The following CHODL variants were observed in gnomAD, a reference collection of about 807,000 sequenced individuals.
The protein encoded by CHODL is transmembrane protein MT75.
A neutral mutation model predicts 34.5 loss-of-function variants in CHODL; 29 were observed. The ratio of observed to expected loss-of-function variants is 0.84; its 90% CI spans 0.63 to 1.15. The LOEUF (loss-of-function observed/expected upper bound fraction) is 1.15, where lower values mean the gene tolerates loss of function less well. CHODL is among the 50% of genes most tolerant of loss of function. The pLI, the probability that CHODL is intolerant of heterozygous loss-of-function variation, is 0.00. For missense variants in CHODL, 332 were observed against 332.5 expected, an observed-to-expected ratio of 1.00 and a Z score of 0.01; for synonymous variants, 125 against 116.1, an observed-to-expected ratio of 1.08 and a Z score of -0.49.
chr21:18,232,744 T>G (rs1318651596), intron 2 of CHODL, among the ~76,000 whole-genome samples: 1 of 151,770 alleles, frequency 6.6e-6, no homozygotes, highest in Non-Finnish European at 1.5e-5. Flanking sequence ...GGCTGAAGAA[T>G]TAGGTGTCTG....
At chr21:18,146,106 C>A (rs1451677924) in intron 2 of CHODL, among the ~76,000 whole-genome samples, 1 of 151,212 alleles carries the variant, frequency 6.6e-6, no homozygotes, top group Admixed American at 6.6e-5. Context: ...GTAGCTGAGA[C>A]TACATTGCCC....
At chr21:18,105,991 C>T (rs1383758279) in intron 2 of CHODL, among the ~76,000 whole-genome samples, 5 of 152,174 alleles carry the variant, frequency 3.3e-5, no homozygotes, top group Non-Finnish European at 5.9e-5. Context: ...CAGTGGCCAA[C>T]CAGCCACACC....
At chr21:18,255,417 C>T (rs922722094) in intron 1 of CHODL, among the ~76,000 whole-genome samples, 2 of 151,978 alleles carry the variant, frequency 1.3e-5, no homozygotes, top group African/African-American at 4.8e-5. Context: ...TAGAGGAAGA[C>T]ATTGTTATTT....
intron 2 of CHODL, among the ~76,000 whole-genome samples, chr21:18,118,519 C>T (rs767721762): frequency 4.2e-4 from 64 of 152,244 alleles, no homozygotes; most frequent in Non-Finnish European, 8.1e-4. Context: ...AATCACTCTT[C>T]CAATAAAAGT....
At chr21:18,003,051 G>A (rs927449115) in intron 1 of CHODL, among the ~76,000 whole-genome samples, 4 of 151,610 alleles carry the variant, frequency 2.6e-5, no homozygotes, top group Non-Finnish European at 4.4e-5. Flanking sequence ...TGAACCCCGG[G>A]GGGCGGAGTG....
At chr21:18,045,265 A>G (rs1178128623) in intron 2 of CHODL, among the ~76,000 whole-genome samples, 1 of 152,082 alleles carries the variant, frequency 6.6e-6, no homozygotes, top group East Asian at 1.9e-4. Context: ...CTCCAAAAAG[A>G]TATAAACATG....
chr21:18,097,298 G>GAT (rs1370702657), intron 2 of CHODL, among the ~76,000 whole-genome samples: 1 of 152,014 alleles, frequency 6.6e-6, no homozygotes. Flanking sequence ...GTTTGCAGAT[G>GAT]ATATAATCTT....
chr21:18,001,332 G>A (rs887370012), intron 1 of CHODL, among the ~76,000 whole-genome samples: 1 of 152,244 alleles, frequency 6.6e-6, no homozygotes, highest in Non-Finnish European at 1.5e-5. Context: ...TTGAAAACAA[G>A]TTGATAACAT....
intron 2 of CHODL, among the ~76,000 whole-genome samples, chr21:18,072,225 T>A (rs1022763279): frequency 1.4e-4 from 21 of 152,160 alleles, no homozygotes; most frequent in African/African-American, 4.8e-4. Context: ...AATATATAAT[T>A]CTGATTGAAA....
chr21:18,117,278 G>C (rs888816949), intron 2 of CHODL, among the ~76,000 whole-genome samples: 1 of 152,144 alleles, frequency 6.6e-6, no homozygotes, highest in East Asian at 1.9e-4. Flanking sequence ...GGAGCCCCCA[G>C]GCCTGTTGTG....
intron 1 of CHODL, among the ~76,000 whole-genome samples, chr21:18,005,700 G>C (rs1600884718): frequency 6.6e-6 from 1 of 152,308 alleles, no homozygotes; most frequent in East Asian, 1.9e-4. Context: ...GACTATCACT[G>C]GTTCCAGTTT....
chr21:17,958,782 A>G (rs2063511115), intron 1 of CHODL, among the ~76,000 whole-genome samples: 1 of 152,184 alleles, frequency 6.6e-6, no homozygotes, highest in South Asian at 2.1e-4. Context: ...GCCTTTGATA[A>G]TAGAATTCCG....
intron 2 of CHODL, among the ~76,000 whole-genome samples, chr21:18,230,804 T>C (rs1019339790): frequency 1.3e-5 from 2 of 152,184 alleles, no homozygotes; most frequent in Non-Finnish European, 2.9e-5. Flanking sequence ...ATAGTTATAA[T>C]GCTTTTGGCG....
chr21:18,028,281 TCCTTCCTTCC>T (rs2064204896), intron 2 of CHODL, among the ~76,000 whole-genome samples: 1 of 101,628 alleles, frequency 9.8e-6, no homozygotes, highest in Admixed American at 1.2e-4. Context: ...CTTTTCCCCT[TCCTTCCTTCC>T]TTCCTTCCTT....
intron 2 of CHODL, among the ~76,000 whole-genome samples, chr21:18,068,301 A>G (rs1479266653): frequency 1.3e-5 from 2 of 150,858 alleles, no homozygotes; most frequent in African/African-American, 4.9e-5. Flanking sequence ...GGTTCAAGTG[A>G]TTCTCCTGCC....
intron 1 of CHODL, among the ~76,000 whole-genome samples, chr21:17,920,199 A>G (rs754119089): frequency 6.6e-6 from 1 of 152,102 alleles, no homozygotes; most frequent in Non-Finnish European, 1.5e-5. Context: ...TTTCAGCAGC[A>G]CCCCACTTTA....
At chr21:18,107,474 T>C (rs1181210099) in intron 2 of CHODL, among the ~76,000 whole-genome samples, 3 of 152,218 alleles carry the variant, frequency 2.0e-5, no homozygotes, top group African/African-American at 7.2e-5. Context: ...TACCAGGCCA[T>C]AGCAGGCCTT....
rs563814700 is a variant in CHODL, at chr21:18,119,664, C to T, written c.-45+91693C>T. Among the ~76,000 whole-genome samples, 3 of 152,222 alleles carry T rather than the reference C, an allele frequency of 2.0e-5. No individual in the cohort carries two copies. In the East Asian group the frequency reaches 5.8e-4, roughly 29 times the overall value. ...CAATTAAGAAGTTGCCCTGTGAAAG[C>T]TGCCAATAACTCAGGGTAGGGGGTT... On this transcript the variant is annotated intron_variant, in intron 2 of 6. Transcript: ENST00000400127.
intron 2 of CHODL, among the ~76,000 whole-genome samples, chr21:18,208,302 C>T (rs1019497873): frequency 6.6e-6 from 1 of 151,222 alleles, no homozygotes; most frequent in South Asian, 2.1e-4. Context: ...TTGTATTTTT[C>T]GACTCCAGAA....
Sources: allele counts gnomAD v4.1 joint callset (sites outside exome capture counted in the v4.1 genomes callset), GRCh38; gene constraint gnomAD v4.1.1; transcripts MANE v1.5; gene names NCBI Gene and HGNC (gene_info 2026-07-23, HGNC 2026-07-21).